Variants in PDILT observed in about 807,000 individuals in gnomAD.
PDILT encodes protein disulfide-isomerase-like protein of the testis.
A neutral mutation model predicts 53.7 loss-of-function variants in PDILT; 43 were observed. That is an observed-to-expected ratio of 0.80 (90% CI 0.63 to 1.03). The LOEUF is 1.03. Ranked by LOEUF, PDILT falls within the 50% of genes least tolerant of loss-of-function variation. The pLI, the probability that PDILT is intolerant of heterozygous loss-of-function variation, is 0.00. For synonymous variants in PDILT, 282 were observed against 274.2 expected, an observed-to-expected ratio of 1.03 and a Z score of -0.28; for missense variants, 727 against 712.3, an observed-to-expected ratio of 1.02 and a Z score of -0.24.
At chr16:20,366,753 C>T (rs1283953627) in intron 8 of PDILT, among the ~76,000 whole-genome samples, 1 of 152,110 alleles carries the variant, frequency 6.6e-6, no homozygotes, top group Non-Finnish European at 1.5e-5. Context: ...TCATTTTCTC[C>T]ATCTGTGTGG....
chr16:20,385,079 C>T (rs1254834006), intron 2 of PDILT, among the ~76,000 whole-genome samples: 4 of 152,226 alleles, frequency 2.6e-5, no homozygotes, highest in African/African-American at 9.6e-5. Flanking sequence ...GGAAACAACA[C>T]AACCATGGGC....
chr16:20,366,541 G>A (rs925742595), intron 8 of PDILT, among the ~76,000 whole-genome samples: 1 of 152,124 alleles, frequency 6.6e-6, no homozygotes, highest in African/African-American at 2.4e-5. Context: ...TACCATAATA[G>A]ATGGAATGTC....
At chr16:20,399,551 G>T (rs1255935995) in intron 1 of PDILT, among the ~76,000 whole-genome samples, 1 of 152,146 alleles carries the variant, frequency 6.6e-6, no homozygotes, top group Non-Finnish European at 1.5e-5. Flanking sequence ...GGAGCAGCTG[G>T]ATGCTGAAGC....
chr16:20,361,077 C>T (rs924407562), intron 10 of PDILT, among the ~76,000 whole-genome samples: 21 of 151,838 alleles, frequency 1.4e-4, no homozygotes, highest in African/African-American at 4.4e-4. Flanking sequence ...GCACGATAGG[C>T]GTTTGTTATT....
At chr16:20,382,334 A>G (rs1328354410) in intron 3 of PDILT, among the ~76,000 whole-genome samples, 1 of 152,240 alleles carries the variant, frequency 6.6e-6, no homozygotes, top group Non-Finnish European at 1.5e-5. Flanking sequence ...TCAACATACT[A>G]TAGCCTGTAG....
intron 2 of PDILT, among the ~76,000 whole-genome samples, chr16:20,397,879 C>T (rs1409192206): frequency 2.0e-5 from 3 of 152,132 alleles, no homozygotes; most frequent in African/African-American, 7.2e-5. Context: ...GGGACTGACA[C>T]GGAGCCAGCA....
rs953804273 is a variant in PDILT, at chr16:20,367,009, T to C, written c.1117-1469A>G. ...CTTCCTTTCTTTCTTTCTTTATTTATTTCTCTCTCTCTTTCTTCTTTCTTT... is the reference window on the plus strand; with the variant it reads ...CTTCCTTTCTTTCTTTCTTTATTTACTTCTCTCTCTCTTTCTTCTTTCTTT... On this transcript the variant is annotated intron_variant, in intron 8 of 11. Coordinates refer to ENST00000302451, the MANE Select transcript of PDILT (RefSeq NM_174924.2). Among the ~76,000 whole-genome samples, 19 of 147,432 alleles carry C rather than the reference T, an allele frequency of 1.3e-4. 1 individual carries two copies. Among genetic ancestry groups the C allele is most frequent in the Non-Finnish European group, 2.6e-4 (17 of 66,228 alleles).
chr16:20,395,910 A>G (rs894451250), intron 2 of PDILT, among the ~76,000 whole-genome samples: 9 of 152,232 alleles, frequency 5.9e-5, no homozygotes, highest in African/African-American at 2.2e-4. Flanking sequence ...TCAGATGCCC[A>G]ACTTACAACC....
chr16:20,395,868 C>T (rs1966655626), intron 2 of PDILT, among the ~76,000 whole-genome samples: 1 of 152,228 alleles, frequency 6.6e-6, no homozygotes, highest in South Asian at 2.1e-4. Context: ...CCTTCACCTT[C>T]CACCATGAGT....
chr16:20,397,449 T>C (rs1966676022), intron 2 of PDILT, among the ~76,000 whole-genome samples: 1 of 151,990 alleles, frequency 6.6e-6, no homozygotes, highest in Admixed American at 6.6e-5. Flanking sequence ...AGCCTATAAA[T>C]GTTATTAAAT....
intron 3 of PDILT, among the ~76,000 whole-genome samples, chr16:20,380,583 G>A (rs561258406): frequency 4.6e-5 from 7 of 152,200 alleles, no homozygotes; most frequent in Admixed American, 3.9e-4. Flanking sequence ...TGATCCACTC[G>A]CCTTGGCCTC....
intron 2 of PDILT, among the ~76,000 whole-genome samples, chr16:20,393,500 A>G (rs28550569): frequency 0.15 from 23,274 of 152,160 alleles, 2,274 homozygotes; most frequent in African/African-American, 0.28. Context: ...GGAACTATAA[A>G]TGTTAACGGT....
chr16:20,359,527 A>C lies in PDILT; in HGVS notation c.1547T>G (p.Val516Gly). 6.2e-7 allele frequency: 1 copy of C among 1,614,078 alleles called. No individual in the cohort carries two copies. The highest frequency in any genetic ancestry group is 8.5e-7 in the Non-Finnish European group (1 of 1,179,994). The change falls in exon 12 of 12, where the codon GTG becomes GGG. Residue 516 changes from valine to glycine, a missense_variant. Val to Gly is a moderately radical substitution (Grantham distance 109, BLOSUM62 -3). Transcript: ENST00000302451. ...VEQNEVIEEEVLAEEKEVPMM... is the reference protein window; with the variant it reads ...VEQNEVIEEEGLAEEKEVPMM... ...AGGCACCTCCTTTTCCTCAGCTAGC[A>C]CTTCCTCTTCTATCACTTCATTTTG... is the stretch of plus-strand genomic sequence containing the variant.
chr16:20,373,031 A>G lies in PDILT; in HGVS notation c.773T>C (p.Val258Ala). ...RVIKQHLTDFVIEYNTENKDL... is the reference protein window; with the variant it reads ...RVIKQHLTDFAIEYNTENKDL... ...ACTGACCTCAGTGTTGTATTCGATC[A>G]CAAAATCTGTAAGGTGCTGTTTTAT... The change falls in exon 6 of 12, where the codon GTG (valine) becomes GCG (alanine). Residue 258 changes from valine to alanine, a missense_variant. Physicochemically the swap from Val to Ala is moderately conservative, Grantham distance 64. Coordinates refer to ENST00000302451, the MANE Select transcript of PDILT (RefSeq NM_174924.2). 1 of 1,614,062 alleles carries G rather than the reference A, an allele frequency of 6.2e-7. No individual in the cohort carries two copies. Among genetic ancestry groups the G allele is most frequent in the South Asian group, 1.1e-5 (1 of 91,076 alleles).
intron 11 of PDILT, among the ~76,000 whole-genome samples, chr16:20,360,248 CAGGAGAGTA>C (rs1869744873): frequency 6.6e-6 from 1 of 152,172 alleles, no homozygotes; most frequent in African/African-American, 2.4e-5. Context: ...TCCTATGCAT[CAGGAGAGTA>C]ATGCCAGAGG....
At chr16:20,403,404 T>C (rs548949225) in intron 1 of PDILT, among the ~76,000 whole-genome samples, 39 of 152,248 alleles carry the variant, frequency 2.6e-4, no homozygotes, top group East Asian at 1.7e-3. Context: ...ATTCTCCTGC[T>C]TCAACCTCCC....
intron 3 of PDILT, among the ~76,000 whole-genome samples, chr16:20,378,240 T>G (rs1232902796): frequency 6.6e-6 from 1 of 152,222 alleles, no homozygotes; most frequent in Non-Finnish European, 1.5e-5. Context: ...TATGGTTAGA[T>G]GGATTTTTAC....
intron 10 of PDILT, among the ~76,000 whole-genome samples, chr16:20,361,472 C>G (rs187620954): frequency 3.9e-5 from 6 of 152,088 alleles, no homozygotes; most frequent in Non-Finnish European, 7.3e-5. Context: ...CGTTGAGACA[C>G]CACGCCCGAC....
intron 2 of PDILT, among the ~76,000 whole-genome samples, chr16:20,396,539 T>A (rs1405157594): frequency 6.6e-6 from 1 of 152,162 alleles, no homozygotes; most frequent in African/African-American, 2.4e-5. Context: ...ACTTCAAGCT[T>A]CCAGATGCAT....
Sources: gnomAD v4.1 joint callset for allele counts (sites outside exome capture counted in the v4.1 genomes callset) on GRCh38, gnomAD v4.1.1 for gene constraint, MANE v1.5 for transcripts, NCBI Gene and HGNC (gene_info 2026-07-23, HGNC 2026-07-21) for gene names.